The following SLC4A4 variants were observed in gnomAD, a reference collection of about 807,000 sequenced individuals.
The protein encoded by SLC4A4 is electrogenic sodium bicarbonate cotransporter 1.
SLC4A4 carries 27 observed loss-of-function variants against 111.5 expected under a neutral mutation model. The ratio of observed to expected loss-of-function variants is 0.24; its 90% CI spans 0.18 to 0.33. SLC4A4 has a LOEUF of 0.33. SLC4A4 is among the 10% of genes least tolerant of loss of function. The pLI is 1.00. For synonymous variants in SLC4A4, 443 were observed against 463.4 expected (o/e 0.96, Z 0.57); for missense variants, 909 against 1,315.5 (o/e 0.69, Z 4.78).
chr4:71,442,801 T>C (rs1724847830), intron 8 of SLC4A4, among the ~76,000 whole-genome samples: 1 of 152,094 alleles, frequency 6.6e-6, no homozygotes, highest in Non-Finnish European at 1.5e-5. Flanking sequence ...ATGCACCTTC[T>C]AGGAAATATG....
intron 2 of SLC4A4, among the ~76,000 whole-genome samples, chr4:71,142,283 C>A (rs1379674386): frequency 3.9e-5 from 6 of 152,184 alleles, no homozygotes; most frequent in Non-Finnish European, 7.3e-5. Flanking sequence ...AAAACTAACA[C>A]AAACATATTA....
chr4:71,362,734 CA>C (rs200588925), intron 6 of SLC4A4, among the ~76,000 whole-genome samples: 1,802 of 152,174 alleles, frequency 0.012, 20 homozygotes, highest in South Asian at 0.048. Context: ...AAATGGGTGT[CA>C]GGGGGGGTCC....
intron 2 of SLC4A4, among the ~76,000 whole-genome samples, chr4:71,143,681 G>A (rs1186049029): frequency 6.6e-6 from 1 of 152,166 alleles, no homozygotes; most frequent in Non-Finnish European, 1.5e-5. Flanking sequence ...GTTTTGATTT[G>A]CATTTCTCTG....
At chr4:71,304,365 C>G (rs1189898984) in intron 3 of SLC4A4, among the ~76,000 whole-genome samples, 3 of 152,156 alleles carry the variant, frequency 2.0e-5, no homozygotes, top group African/African-American at 7.2e-5. Context: ...AGCCCAAGAA[C>G]CAGGAGTGCT....
chr4:71,559,518 T>C (rs1472804816), intron 22 of SLC4A4, among the ~76,000 whole-genome samples: 5 of 151,802 alleles, frequency 3.3e-5, no homozygotes, highest in Non-Finnish European at 5.9e-5. Context: ...ATAAATGAGA[T>C]AATATTGCCT....
At chr4:71,437,535 T>C (rs1282490616) in intron 7 of SLC4A4, 2 of 477,638 alleles carry the variant, frequency 4.2e-6, no homozygotes, top group South Asian at 1.6e-5. Flanking sequence ...CACTGTAGTC[T>C]TTGCTGAAAA....
At chr4:71,461,526 T>C (rs1726822522) in intron 12 of SLC4A4, among the ~76,000 whole-genome samples, 1 of 152,204 alleles carries the variant, frequency 6.6e-6, no homozygotes, top group African/African-American at 2.4e-5. Flanking sequence ...TAATATTTGA[T>C]GTTTCATCAT....
At chr4:71,538,734 G>C (rs188857439) in intron 18 of SLC4A4, among the ~76,000 whole-genome samples, 2 of 152,116 alleles carry the variant, frequency 1.3e-5, no homozygotes, top group East Asian at 3.9e-4. Context: ...TTCTGCTTGG[G>C]ATGGGATCCA....
At chr4:71,227,576 CG>C (rs1719133002) in intron 1 of SLC4A4, among the ~76,000 whole-genome samples, 1 of 152,182 alleles carries the variant, frequency 6.6e-6, no homozygotes, top group South Asian at 2.1e-4. Flanking sequence ...TTCCCTTTCC[CG>C]TGATTGTCCT....
intron 2 of SLC4A4, among the ~76,000 whole-genome samples, chr4:71,116,643 T>C (rs1743274290): frequency 1.3e-5 from 2 of 152,306 alleles, no homozygotes; most frequent in South Asian, 4.1e-4. Context: ...TGTTTGAGTG[T>C]GTATTAAGAA....
In SLC4A4 at chr4:71,546,396, T is replaced by C; in HGVS notation, c.2489T>C (p.Met830Thr). ...GATCTCTTTTGGGTGGCCATCCTCATGGTTATATGCTCCCTCATGGCTCTT... is the reference window on the plus strand; with the variant it reads ...GATCTCTTTTGGGTGGCCATCCTCACGGTTATATGCTCCCTCATGGCTCTT... ...HLDLFWVAIL[M>T]VICSLMALPW... Residue 830 changes from methionine (M) to threonine (T), a missense_variant, in exon 19 of 26, where the codon ATG becomes ACG. Transcript: ENST00000264485. 1 of 1,612,920 alleles carries C rather than the reference T, an allele frequency of 6.2e-7. No homozygotes were observed. Among genetic ancestry groups the C allele is most frequent in the Non-Finnish European group, 8.5e-7 (1 of 1,179,140 alleles).
At chr4:71,352,363 TA>T (rs199984159) in intron 5 of SLC4A4, among the ~76,000 whole-genome samples, 65 of 151,972 alleles carry the variant, frequency 4.3e-4, no homozygotes, top group Admixed American at 2.2e-3. Context: ...AGTCCCTTAT[TA>T]AAAAAAACAC....
chr4:71,380,316 C>A (rs968451617), intron 6 of SLC4A4, among the ~76,000 whole-genome samples: 2 of 152,184 alleles, frequency 1.3e-5, no homozygotes, highest in Non-Finnish European at 2.9e-5. Context: ...CTGAAGTAAG[C>A]ATCACTCACT....
At chr4:71,087,677 A>C (rs1467041618) in intron 1 of SLC4A4, among the ~76,000 whole-genome samples, 1 of 152,082 alleles carries the variant, frequency 6.6e-6, no homozygotes, top group East Asian at 1.9e-4. Context: ...GTAGTCATTC[A>C]GGAGCAGGTT....
intron 16 of SLC4A4, among the ~76,000 whole-genome samples, chr4:71,528,863 ATG>A (rs2149205031): frequency 6.6e-6 from 1 of 152,072 alleles, no homozygotes; most frequent in South Asian, 2.1e-4. Context: ...ACACATATAT[ATG>A]GACATAAATA....
At chr4:71,093,448 G>A (rs2363444) in intron 2 of SLC4A4, among the ~76,000 whole-genome samples, 2 of 152,174 alleles carry the variant, frequency 1.3e-5, no homozygotes, top group East Asian at 3.9e-4. Flanking sequence ...GATTACAGGC[G>A]TGAGCCACTG....
chr4:71,219,379 T>A (rs759751143), intron 1 of SLC4A4, among the ~76,000 whole-genome samples: 1 of 152,174 alleles, frequency 6.6e-6, no homozygotes, highest in Non-Finnish European at 1.5e-5. Context: ...AGTACATCTG[T>A]TTATAGCATG....
rs1166604599 is a variant in SLC4A4 at position 71,339,523 on chromosome 4, G to A, written c.389+18G>A. ...ACAGCCAGGTGAGGCATAGCTGACT[G>A]TATGTAGTACTGACCCAGGGAAACA... On this transcript the variant is annotated intron_variant, in intron 4 of 25. Transcript: ENST00000264485. The A allele has an allele frequency of 2.5e-6, 4 of 1,611,246 alleles. No individual in the cohort carries two copies. Among genetic ancestry groups the A allele is most frequent in the African/African-American group, 2.7e-5 (2 of 74,938 alleles).
intron 3 of SLC4A4, among the ~76,000 whole-genome samples, chr4:71,317,696 A>G (rs542373082): frequency 1.3e-5 from 2 of 152,202 alleles, no homozygotes; most frequent in East Asian, 3.9e-4. Flanking sequence ...CTATGTTCAC[A>G]AATACAGTAG....
Sources: allele counts gnomAD v4.1 joint callset (sites outside exome capture counted in the v4.1 genomes callset), GRCh38; gene constraint gnomAD v4.1.1; transcripts MANE v1.5; gene names NCBI Gene and HGNC (gene_info 2026-07-23, HGNC 2026-07-21).